The following ANK3 variants were observed in gnomAD, a reference collection of about 807,000 sequenced individuals.
ANK3 encodes the protein ankyrin-3.
Under a neutral mutation model 370.9 loss-of-function variants are expected in ANK3, and 57 were observed. The ratio of observed to expected loss-of-function variants is 0.15; its 90% CI spans 0.12 to 0.19. The LOEUF (loss-of-function observed/expected upper bound fraction) is 0.19. Ranked by LOEUF, ANK3 falls within the 10% of genes least tolerant of loss-of-function variation. The pLI is 1.00. For synonymous variants in ANK3, 1,929 were observed against 1,946.3 expected (o/e 0.99, Z 0.23); for missense variants, 4,439 against 5,302.1 (o/e 0.84, Z 5.06).
At chr10:60,617,981 T>G (rs948183774) in intron 1 of ANK3, among the ~76,000 whole-genome samples, 1 of 152,198 alleles carries the variant, frequency 6.6e-6, no homozygotes, top group African/African-American at 2.4e-5. Flanking sequence ...TTGAGTTTGA[T>G]GTTGACTATG....
At chr10:60,334,640 T>C (rs983679490) in intron 1 of ANK3, among the ~76,000 whole-genome samples, 1 of 152,144 alleles carries the variant, frequency 6.6e-6, no homozygotes, top group African/African-American at 2.4e-5. Flanking sequence ...AGTTTTCTAA[T>C]GTAAGATGAT....
chr10:60,720,668 T>G (rs2079851168), intron 1 of ANK3, among the ~76,000 whole-genome samples: 1 of 152,170 alleles, frequency 6.6e-6, no homozygotes, highest in Non-Finnish European at 1.5e-5. Context: ...TGCAGTGATG[T>G]GATCACAGAT....
chr10:60,496,881 C>A (rs576943442), intron 2 of ANK3, among the ~76,000 whole-genome samples: 21 of 152,222 alleles, frequency 1.4e-4, no homozygotes, highest in African/African-American at 5.1e-4. Context: ...TGTACCACAT[C>A]TTTGTATCTT....
intron 28 of ANK3, among the ~76,000 whole-genome samples, chr10:60,105,252 C>T (rs2092007353): frequency 6.6e-6 from 1 of 151,886 alleles, no homozygotes; most frequent in African/African-American, 2.4e-5. Context: ...GCGTCAAACA[C>T]CTATTCTCAA....
At position 60,055,957 on chromosome 10, in the gene ANK3, C is replaced by T. The variant is rs1337995614; in HGVS notation, c.12766G>A (p.Glu4256Lys). ...TTTGTCTTTGCTTCTGGAGTGATTT[C>T]TGTATGGCTTCCATTTGCTTCAAAT... The part of the protein sequence containing the change: ...GKFEANGSHT[E>K]ITPEAKTKSY... The change falls in exon 42 of 44, where the codon GAA becomes AAA. Residue 4256 changes from glutamate to lysine, a missense_variant. Physicochemically the swap from Glu to Lys is moderately conservative, Grantham distance 56 (BLOSUM62 1). Around this residue, in one of 13 missense-constraint regions of ANK3, gnomAD observed 242 missense variants for 228.0 expected, o/e 1.06. Coordinates refer to ENST00000280772, the MANE Select transcript of ANK3 (RefSeq NM_020987.5). 6 of 1,613,932 alleles carry T rather than the reference C, an allele frequency of 3.7e-6. No individual in the cohort carries two copies. The highest frequency in any genetic ancestry group is 5.1e-6 in the Non-Finnish European group (6 of 1,180,018).
intron 42 of ANK3, chr10:60,043,021 G>A (rs563646943): frequency 3.2e-6 from 4 of 1,242,080 alleles, no homozygotes; most frequent in Admixed American, 4.1e-5. Context: ...TCAAAATAAC[G>A]AGCAGCCTAT....
chr10:60,665,117 A>T (rs535953610), intron 1 of ANK3, among the ~76,000 whole-genome samples: 4 of 152,304 alleles, frequency 2.6e-5, no homozygotes, highest in Non-Finnish European at 4.4e-5. Flanking sequence ...ACCCTGTAGA[A>T]GTAGCTTAAC....
At chr10:60,226,448 TA>T (rs1024187543) in intron 8 of ANK3, among the ~76,000 whole-genome samples, 1 of 113,752 alleles carries the variant, frequency 8.8e-6, no homozygotes, top group Non-Finnish European at 1.7e-5. Flanking sequence ...TAACATACTA[TA>T]AAATATAGTA....
intron 24 of ANK3, 96 bp from the exon 25 acceptor site, chr10:60,134,469 G>T (rs2094240590): frequency 3.6e-6 from 3 of 823,706 alleles, no homozygotes; most frequent in Admixed American, 6.3e-5. Flanking sequence ...AGGCAAGATG[G>T]CTAAAAATAT....
In ANK3 at chr10:60,173,166, A is replaced by G; in HGVS notation, c.2205T>C (p.His735=). 1 of 1,613,798 alleles carries G rather than the reference A, an allele frequency of 6.2e-7. No individual in the cohort carries two copies. The highest frequency in any genetic ancestry group is 2.2e-5 in the East Asian group (1 of 44,868). The part of the protein sequence containing the change: ...AQTKMGYTPL[H]VGCHYGNIKI... ...TGATATTTCCATAGTGGCAGCCCAC[A>G]TGCAGTGGTGTGTATCCCATCTGTA... is the stretch of plus-strand genomic sequence containing the variant. The change falls in exon 19 of 44, where the codon CAT becomes CAC. Residue 735 remains histidine (H), a synonymous_variant. Transcript: ENST00000280772.
chr10:60,600,167 C>T (rs1400012494), intron 2 of ANK3, among the ~76,000 whole-genome samples: 3 of 152,072 alleles, frequency 2.0e-5, no homozygotes, highest in African/African-American at 7.2e-5. Flanking sequence ...TTAGTTGTTC[C>T]AAGTGCTAGG....
intron 2 of ANK3, among the ~76,000 whole-genome samples, chr10:60,487,836 G>T (rs7912568): frequency 0.39 from 58,910 of 151,336 alleles, 11,746 homozygotes; most frequent in Non-Finnish European, 0.42. Flanking sequence ...TGCCTCAGCC[G>T]CCCGAGTAGC....
chr10:60,343,777 G>A (rs2054796935), intron 1 of ANK3, among the ~76,000 whole-genome samples: 1 of 152,194 alleles, frequency 6.6e-6, no homozygotes, highest in African/African-American at 2.4e-5. Flanking sequence ...TAAGAGTCGT[G>A]TTGAACTCCA....
intron 2 of ANK3, among the ~76,000 whole-genome samples, chr10:60,431,888 G>A (rs2064034222): frequency 6.6e-6 from 1 of 152,154 alleles, no homozygotes; most frequent in Non-Finnish European, 1.5e-5. Flanking sequence ...TGGTGTCTTT[G>A]CCCTTCTGAC....
chr10:60,688,741 G>T (rs746832174), intron 1 of ANK3, among the ~76,000 whole-genome samples: 1 of 152,098 alleles, frequency 6.6e-6, no homozygotes, highest in Non-Finnish European at 1.5e-5. Context: ...GAGGTCAGGA[G>T]ATCGAGACCA....
chr10:60,076,115 G>A lies in ANK3; in HGVS notation c.4766C>T (p.Pro1589Leu), dbSNP rs145253284. The change falls in exon 37 of 44, where the codon CCA becomes CTA. Residue 1589 changes from proline to leucine, a missense_variant. Physicochemically the swap from Pro to Leu is moderately conservative, Grantham distance 98 (BLOSUM62 -3). Coordinates refer to ENST00000280772, the MANE Select transcript of ANK3 (RefSeq NM_020987.5). ...ACCAGAGGAAACTTGGATATTGTAT[G>A]GAGATTGTGACACCACAGTTTTTAT... Reference protein sequence around the residue: ...SPIKTVVSQSPYNIQVSSGTL... With the variant: ...SPIKTVVSQSLYNIQVSSGTL... The A allele has an allele frequency of 1.9e-6, 3 of 1,614,212 alleles. No homozygotes were observed. The highest frequency in any genetic ancestry group is 2.2e-5 in the East Asian group (1 of 44,888).
At chr10:60,691,982 C>G (rs1415549436) in intron 1 of ANK3, among the ~76,000 whole-genome samples, 2 of 152,152 alleles carry the variant, frequency 1.3e-5, no homozygotes, top group African/African-American at 4.8e-5. Context: ...GAATAGATAG[C>G]CTTAGCTGGT....
intron 23 of ANK3, among the ~76,000 whole-genome samples, chr10:60,160,331 T>A (rs1198887664): frequency 6.6e-6 from 1 of 152,006 alleles, no homozygotes. Flanking sequence ...ATTAGACACA[T>A]AAAGCCTACA....
At chr10:60,318,738 C>T (rs1295372456) in intron 1 of ANK3, among the ~76,000 whole-genome samples, 1 of 152,126 alleles carries the variant, frequency 6.6e-6, no homozygotes, top group Non-Finnish European at 1.5e-5. Context: ...CCACCCTGCC[C>T]CCTTTCAAAA....
Sources: gnomAD v4.1 joint callset for allele counts (sites outside exome capture counted in the v4.1 genomes callset) on GRCh38, gnomAD v4.1.1 for gene constraint, gnomAD v4.1.1 regional missense constraint, MANE v1.5 for transcripts, NCBI Gene and HGNC (gene_info 2026-07-23, HGNC 2026-07-21) for gene names.